The following RNMT variants were observed in gnomAD, a reference collection of about 807,000 sequenced individuals.
The protein encoded by RNMT is mRNA cap guanine-N(7) methyltransferase.
A neutral mutation model predicts 56.0 loss-of-function variants in RNMT; 27 were observed. The ratio of observed to expected loss-of-function variants is 0.48; its 90% CI spans 0.36 to 0.67. The LOEUF is 0.67. RNMT is among the 30% of genes least tolerant of loss of function. The pLI is 0.00. For missense variants in RNMT, 519 were observed against 552.1 expected, an observed-to-expected ratio of 0.94 and a Z score of 0.60; for synonymous variants, 184 against 176.2, an observed-to-expected ratio of 1.04 and a Z score of -0.35.
At chr18:13,740,110 T>C in intron 5 of RNMT, 57 bp from the exon 6 acceptor site, 1 of 1,001,934 alleles carries the variant, frequency 1.0e-6, no homozygotes. Flanking sequence ...TTGAGATCAA[T>C]GTCTAGATTT....
intron 1 of RNMT, among the ~76,000 whole-genome samples, chr18:13,729,855 A>G (rs926482352): frequency 6.6e-6 from 1 of 151,612 alleles, no homozygotes; most frequent in Non-Finnish European, 1.5e-5. Context: ...GCTGGAGTAC[A>G]GTGGCACAAT....
intron 2 of RNMT, 24 bp from the exon 3 acceptor site, chr18:13,731,452 A>G: frequency 7.7e-7 from 1 of 1,306,122 alleles, no homozygotes; most frequent in Non-Finnish European, 1.1e-6. Context: ...TTTACAAGTA[A>G]TACCAATTTT....
intron 11 of RNMT, among the ~76,000 whole-genome samples, chr18:13,759,263 A>G (rs2044591033): frequency 6.6e-6 from 1 of 152,224 alleles, no homozygotes; most frequent in Non-Finnish European, 1.5e-5. Context: ...CCAATTTGTA[A>G]AGCTAAATAA....
chr18:13,735,089 C>T (rs1309223370), intron 4 of RNMT, among the ~76,000 whole-genome samples: 3 of 151,880 alleles, frequency 2.0e-5, no homozygotes, highest in East Asian at 1.9e-4. Context: ...CAATTCTTGT[C>T]GGCACCGTAA....
In RNMT at chr18:13,730,666, C is replaced by T. The variant is rs568721765; in HGVS notation, c.-132C>T. On this transcript the variant is annotated 5_prime_UTR_variant, in exon 2 of 12. Coordinates refer to ENST00000383314, the MANE Select transcript of RNMT (RefSeq NM_003799.3). Reference sequence around the variant, plus strand: ...TTGGGTACTGTACAACTTCAAGCCTCGAAATCAGATAGGCACCACCAACCT... The same window carrying T: ...TTGGGTACTGTACAACTTCAAGCCTTGAAATCAGATAGGCACCACCAACCT... The T allele has an allele frequency of 6.6e-6, 1 of 152,310 alleles. No homozygotes were observed. Among genetic ancestry groups the T allele is most frequent in the East Asian group, 1.9e-4 (1 of 5,186 alleles). 9.4% of individuals were successfully genotyped at this position (152,310 alleles called of 1,614,324 possible). A position where few individuals can be genotyped will look rare whatever the true frequency, so the allele number is the denominator to read the frequency against.
rs115151534 is a variant in RNMT, at chr18:13,759,828, C to T, written c.1394-114C>T. ...ACTCTTAGAATTAATGGGGATTTTC[C>T]TCTTCAGAAGCTGCTTGAGAGCCTA... On this transcript the variant is annotated intron_variant, in intron 11 of 11. Transcript: ENST00000383314. 2.5e-3 allele frequency: 2,021 copies of T among 820,438 alleles called. 35 individuals carry two copies. The African/African-American group carries it at 0.031, about 13-fold the overall frequency. 50.8% of individuals were successfully genotyped at this position (820,438 alleles called of 1,614,324 possible). A position where few individuals can be genotyped will look rare whatever the true frequency, so the allele number is the denominator to read the frequency against.
chr18:13,757,962 A>T (rs1360568630), intron 11 of RNMT, among the ~76,000 whole-genome samples: 1 of 152,180 alleles, frequency 6.6e-6, no homozygotes, highest in African/African-American at 2.4e-5. Flanking sequence ...AATAACATTG[A>T]TCTCCTTGTA....
At chr18:13,732,633 T>G (rs1193059304) in intron 3 of RNMT, among the ~76,000 whole-genome samples, 5 of 152,150 alleles carry the variant, frequency 3.3e-5, no homozygotes, top group Non-Finnish European at 2.9e-5. Flanking sequence ...AAAAGATTAC[T>G]TTAATGAGTA....
At chr18:13,740,622 C>T (rs189077760) in intron 6 of RNMT, among the ~76,000 whole-genome samples, 1 of 152,292 alleles carries the variant, frequency 6.6e-6, no homozygotes. Context: ...AGGTGATCTG[C>T]CTGCCTCCCA....
At position 13,737,075 on chromosome 18, in the gene RNMT, G is replaced by A; in HGVS notation, c.619G>A (p.Gly207Ser). 2 of 1,613,114 alleles carry A rather than the reference G, an allele frequency of 1.2e-6. No homozygotes were observed. Among genetic ancestry groups the A allele is most frequent in the South Asian group, 1.1e-5 (1 of 90,992 alleles). ...TATCACTGTTTTGGACCTGGGATGT[G>A]GTAAAGGTGGAGATTTGCTGAAATG... ...RDITVLDLGC[G>S]KGGDLLKWKK... Residue 207 changes from glycine (G) to serine (S), a missense_variant, in exon 5 of 12, where the codon GGT becomes AGT. By Grantham distance (56) the Gly-to-Ser change is moderately conservative. Transcript: ENST00000383314.
Position 13,761,970 on chromosome 18 carries a change from G to C in RNMT, c.*1991G>C. On this transcript the variant is annotated 3_prime_UTR_variant, in exon 12 of 12. Coordinates refer to ENST00000383314, the MANE Select transcript of RNMT (RefSeq NM_003799.3). ...CCTGCCTATCCTCTCCGATCACCAA[G>C]GTGGAAGGGAGCTAGTAGGACTCTT... 1 of 1,500,912 alleles carries C rather than the reference G, an allele frequency of 6.7e-7. No homozygotes were observed. The highest frequency in any genetic ancestry group is 8.9e-7 in the Non-Finnish European group (1 of 1,125,244). 93.0% of individuals were successfully genotyped at this position (1,500,912 alleles called of 1,614,324 possible).
intron 10 of RNMT, among the ~76,000 whole-genome samples, chr18:13,753,354 A>G (rs963228749): frequency 1.3e-5 from 2 of 152,202 alleles, no homozygotes; most frequent in Non-Finnish European, 2.9e-5. Context: ...AGTCCCAGCT[A>G]CTTGTGAGGC....
At chr18:13,740,582 T>G (rs1258989301) in intron 6 of RNMT, among the ~76,000 whole-genome samples, 2 of 152,194 alleles carry the variant, frequency 1.3e-5, no homozygotes, top group Non-Finnish European at 2.9e-5. Flanking sequence ...TTTGCCATGT[T>G]GCCAAGGCTG....
chr18:13,751,885 A>G (rs1350128368), intron 9 of RNMT, among the ~76,000 whole-genome samples: 2 of 151,994 alleles, frequency 1.3e-5, no homozygotes, highest in African/African-American at 4.8e-5. Context: ...ACCAACCACC[A>G]CATGTTCTCA....
intron 10 of RNMT, 150 bp from the exon 11 acceptor site, chr18:13,753,964 C>G: frequency 1.8e-6 from 1 of 562,234 alleles, no homozygotes; most frequent in Non-Finnish European, 3.2e-6. Context: ...CTTTTATATG[C>G]TCAGGTCACA....
At position 13,761,847 on chromosome 18, in the gene RNMT, C is replaced by A. The variant is rs1439850316; in HGVS notation, c.*1868C>A. On this transcript the variant is annotated 3_prime_UTR_variant, in exon 12 of 12. Coordinates refer to ENST00000383314, the MANE Select transcript of RNMT (RefSeq NM_003799.3). Reference sequence around the variant, plus strand: ...GTTCTTCCTCCACCACCCTACACCCCCCTCCCCCCGGCCCCAAGCCCCTGT... The same window carrying A: ...GTTCTTCCTCCACCACCCTACACCCACCTCCCCCCGGCCCCAAGCCCCTGT... The A allele has an allele frequency of 8.5e-6, 10 of 1,178,284 alleles. No homozygotes were observed. The highest frequency in any genetic ancestry group is 1.6e-5 in the African/African-American group (1 of 61,632). 73.0% of individuals were successfully genotyped at this position (1,178,284 alleles called of 1,614,324 possible).
chr18:13,761,739 GA>G lies in RNMT; in HGVS notation c.*1761del. ...TGAGCCCACTGTTGTTGGTGTCAGG[GA>G]GGCTTACTGGAGCCACACCTGCAGG... On this transcript the variant is annotated 3_prime_UTR_variant, in exon 12 of 12. Transcript: ENST00000383314. 8.6e-7 allele frequency: 1 copy of G among 1,159,916 alleles called. No homozygotes were observed. The highest frequency in any genetic ancestry group is 1.1e-6 in the Non-Finnish European group (1 of 936,440). The allele number at this position is 1,159,916 out of a possible 1,614,324, so 71.9% of individuals were successfully genotyped here. A position where few individuals can be genotyped will look rare whatever the true frequency, so the allele number is the denominator to read the frequency against.
At chr18:13,739,457 C>T (rs2044217027) in intron 5 of RNMT, among the ~76,000 whole-genome samples, 1 of 152,138 alleles carries the variant, frequency 6.6e-6, no homozygotes, top group South Asian at 2.1e-4. Context: ...GATCCCATTG[C>T]CTTTGCATTA....
At chr18:13,749,405 A>G (rs1454864716) in intron 9 of RNMT, among the ~76,000 whole-genome samples, 5 of 152,254 alleles carry the variant, frequency 3.3e-5, no homozygotes, top group African/African-American at 1.2e-4. Context: ...ATGATACAGC[A>G]GTCTCAAATA....
Sources: gnomAD v4.1 joint callset for allele counts (sites outside exome capture counted in the v4.1 genomes callset) on GRCh38, gnomAD v4.1.1 for gene constraint, MANE v1.5 for transcripts, NCBI Gene and HGNC (gene_info 2026-07-23, HGNC 2026-07-21) for gene names.